DHX9: variants seen among roughly 807,000 people sequenced by gnomAD.
The protein encoded by DHX9 is DExH-box helicase 9.
A neutral mutation model predicts 148.7 loss-of-function variants in DHX9; 27 were observed. That is an observed-to-expected ratio of 0.18 (90% confidence interval 0.13 to 0.25). DHX9 has a LOEUF of 0.25. Among genes scored for constraint, DHX9 ranks in the 10% least tolerant of loss-of-function variants. DHX9 has a pLI of 1.00. For synonymous variants in DHX9, 529 were observed against 516.6 expected (o/e 1.02, Z -0.33); for missense variants, 796 against 1,559.6 (o/e 0.51, Z 8.25).
intron 3 of DHX9, among the ~76,000 whole-genome samples, chr1:182,849,031 TA>T (rs1370522276): frequency 1.1e-4 from 17 of 152,222 alleles, no homozygotes; most frequent in Admixed American, 3.9e-4. Flanking sequence ...CATTGAGGAT[TA>T]AAATTTGACA....
chr1:182,861,076 A>G (rs1668354807), intron 12 of DHX9, among the ~76,000 whole-genome samples: 1 of 152,252 alleles, frequency 6.6e-6, no homozygotes, highest in Non-Finnish European at 1.5e-5. Context: ...TGTATAAAGC[A>G]TATATCTGAA....
At chr1:182,885,729 A>T (rs1412465670) in intron 27 of DHX9, among the ~76,000 whole-genome samples, 1 of 152,228 alleles carries the variant, frequency 6.6e-6, no homozygotes, top group Admixed American at 6.5e-5. Flanking sequence ...TACAGCTAAT[A>T]ACTGATAGAA....
chr1:182,884,215 A>G (rs1483088552), intron 26 of DHX9, among the ~76,000 whole-genome samples: 1 of 152,142 alleles, frequency 6.6e-6, no homozygotes, highest in Non-Finnish European at 1.5e-5. Flanking sequence ...TGGAGGTTGC[A>G]ATGAGCTATC....
chr1:182,846,228 C>G (rs964147840), intron 3 of DHX9, among the ~76,000 whole-genome samples: 3 of 151,598 alleles, frequency 2.0e-5, no homozygotes, highest in Admixed American at 6.6e-5. Flanking sequence ...GGATTGAAGA[C>G]CAGATGTACT....
intron 14 of DHX9, among the ~76,000 whole-genome samples, chr1:182,868,520 C>CTTTTTTTCTTTT (rs1648401276): frequency 7.8e-6 from 1 of 127,522 alleles, no homozygotes; most frequent in African/African-American, 3.6e-5. Flanking sequence ...ATTTTAATTC[C>CTTTTTTTCTTTT]TTTTTTTTTT....
At chr1:182,887,055 T>TAA (rs769355126) in intron 27 of DHX9, 28 bp from the exon 28 acceptor site, 1 of 1,595,776 alleles carries the variant, frequency 6.3e-7, no homozygotes. Flanking sequence ...AATGCTTTGC[T>TAA]AAAGTGATGG....
chr1:182,850,910 T>C (rs1668131599), intron 3 of DHX9, among the ~76,000 whole-genome samples: 2 of 152,256 alleles, frequency 1.3e-5, no homozygotes, highest in African/African-American at 2.4e-5. Context: ...CACTGGAAAA[T>C]AGAAGTTACA....
At chr1:182,870,485 T>C (rs1164685941) in intron 14 of DHX9, among the ~76,000 whole-genome samples, 2 of 152,182 alleles carry the variant, frequency 1.3e-5, no homozygotes, top group African/African-American at 2.4e-5. Context: ...CAAAAGCACA[T>C]TGTATGTTAT....
chr1:182,860,425 A>C (rs1668340071), intron 12 of DHX9: 1 of 277,238 alleles, frequency 3.6e-6, no homozygotes, highest in African/African-American at 2.2e-5. Context: ...CTCTGGGCCT[A>C]GAATCAGACT....
intron 6 of DHX9, chr1:182,855,483 T>C: frequency 1.1e-6 from 1 of 894,246 alleles, no homozygotes; most frequent in South Asian, 5.1e-5. Context: ...CAGAGGTCTG[T>C]GTTCATACAC....
At chr1:182,843,178 A>C (rs1667962233) in intron 2 of DHX9, 116 bp from the exon 3 acceptor site, 1 of 600,344 alleles carries the variant, frequency 1.7e-6, no homozygotes, top group Non-Finnish European at 2.5e-6. Flanking sequence ...ATATTTATAG[A>C]GTATATTTCC....
Position 182,883,151 on chromosome 1 carries a change from C to T in DHX9, c.2927C>T (p.Thr976Ile). The T allele has an allele frequency of 6.2e-7, 1 of 1,613,098 alleles. No individual in the cohort carries two copies. The highest frequency in any genetic ancestry group is 8.5e-7 in the Non-Finnish European group (1 of 1,179,100). The stretch of plus-strand genomic sequence containing the variant: ...CTCCTCTTAACAGATTGTTTGTTGA[C>T]ACAAGTGTTTACTAACACTGGACCA... ...NSGFPEDCLL[T>I]QVFTNTGPDN... is the part of the protein sequence containing the mutation. Residue 976 changes from threonine to isoleucine, a missense_variant, in exon 25 of 28, where the codon ACA (threonine) becomes ATA (isoleucine). Transcript: ENST00000367549.
intron 3 of DHX9, among the ~76,000 whole-genome samples, chr1:182,844,634 A>G (rs921966045): frequency 7.9e-5 from 12 of 152,190 alleles, no homozygotes; most frequent in Non-Finnish European, 1.3e-4. Flanking sequence ...CCTGGGTTCA[A>G]GCAGTTCTCC....
At chr1:182,857,966 A>G (rs1668286352) in intron 7 of DHX9, 138 bp from the exon 8 acceptor site, 1 of 790,742 alleles carries the variant, frequency 1.3e-6, no homozygotes, top group Non-Finnish European at 1.9e-6. Context: ...TATTAATAGA[A>G]TAAAAAGGAA....
intron 20 of DHX9, 74 bp from the exon 21 acceptor site, chr1:182,879,176 C>A (rs1324111269): frequency 2.4e-6 from 3 of 1,259,688 alleles, no homozygotes; most frequent in South Asian, 5.0e-5. Flanking sequence ...TCCCTGATTA[C>A]CTTGCTGCAA....
chr1:182,856,725 T>C, intron 7 of DHX9, 147 bp downstream of exon 7: 1 of 608,832 alleles, frequency 1.6e-6, no homozygotes, highest in Non-Finnish European at 2.8e-6. Context: ...TTTAGAATAT[T>C]AGTAATTATA....
chr1:182,844,303 G>GT lies in DHX9; in HGVS notation c.252+875dup, dbSNP rs1411962003. On this transcript the variant is annotated intron_variant, in intron 3 of 27. Transcript: ENST00000367549. ...ATTTTATGCAATGGAGTATTTTTGT[G>GT]TTTTTTATGTCATGATTATCTTAAT... Among the ~76,000 whole-genome samples the GT allele has an allele frequency of 3.3e-5, 5 of 152,260 alleles. No individual in the cohort carries two copies. The East Asian group carries it at 9.7e-4, about 29-fold the overall frequency.
Position 182,852,299 on chromosome 1 carries a change from A to C in DHX9, c.319A>C (p.Thr107Pro). 1 of 1,613,270 alleles carries C rather than the reference A, an allele frequency of 6.2e-7. No individual in the cohort carries two copies. Among genetic ancestry groups the C allele is most frequent in the Non-Finnish European group, 8.5e-7 (1 of 1,179,690 alleles). Residue 107 changes from threonine to proline, a missense_variant, in exon 4 of 28, where the codon ACA becomes CCA. Physicochemically the swap from Thr to Pro is conservative, Grantham distance 38 (BLOSUM62 -1). This residue lies in a region of DHX9 where 89 missense variants were observed against 77.5 expected (regional missense o/e 1.15). Transcript: ENST00000367549. ...AGCAAATGCTGAAGGAGATTTACCA[A>C]CAACCATGGGAGGACCTCTTCCTCC... ...TTANAEGDLP[T>P]TMGGPLPPHL... is the part of the protein sequence containing the mutation.
chr1:182,885,121 CCCTTTTT>C (rs1416920559), intron 27 of DHX9, among the ~76,000 whole-genome samples: 1 of 152,096 alleles, frequency 6.6e-6, no homozygotes, highest in Non-Finnish European at 1.5e-5. Flanking sequence ...GCCCAGATAG[CCCTTTTT>C]CCATGGTACT....
Sources: gnomAD v4.1 joint callset for allele counts (sites outside exome capture counted in the v4.1 genomes callset) on GRCh38, gnomAD v4.1.1 for gene constraint, gnomAD v4.1.1 regional missense constraint, MANE v1.5 for transcripts, NCBI Gene and HGNC (gene_info 2026-07-23, HGNC 2026-07-21) for gene names.